The following FHIP1A variants were observed in gnomAD, a reference collection of about 807,000 sequenced individuals.
FHIP1A encodes the protein FHF complex subunit HOOK interacting protein 1A, also known as FHF complex subunit HOOK-interacting protein 1A.
Under a neutral mutation model 88.6 loss-of-function variants are expected in FHIP1A, and 61 were observed. That is an observed-to-expected ratio of 0.69 (90% CI 0.56 to 0.85). FHIP1A has a LOEUF of 0.85. FHIP1A is among the 40% of genes least tolerant of loss of function. FHIP1A has a pLI of 0.00. For synonymous variants in FHIP1A, 478 were observed against 496.0 expected, an observed-to-expected ratio of 0.96 and a Z score of 0.48; for missense variants, 1,154 against 1,273.5, an observed-to-expected ratio of 0.91 and a Z score of 1.43.
At chr4:151,577,424 A>G (rs1197568603) in intron 4 of FHIP1A, 26 bp from the exon 5 acceptor site, 2 of 1,496,458 alleles carry the variant, frequency 1.3e-6, no homozygotes, top group South Asian at 1.3e-5. Flanking sequence ...CATCAGATGG[A>G]TGACAAATGC....
chr4:151,664,767 A>G lies in FHIP1A; in HGVS notation c.*2013A>G, dbSNP rs1737601798. Reference sequence around the variant, plus strand: ...TTGTTTGGACTTACAAAGTCATAAAATGCCAACGCCACATCTGTAAATGGA... The same window carrying G: ...TTGTTTGGACTTACAAAGTCATAAAGTGCCAACGCCACATCTGTAAATGGA... On this transcript the variant is annotated 3_prime_UTR_variant, in exon 14 of 14. Coordinates refer to ENST00000435205, the MANE Select transcript of FHIP1A (RefSeq NM_001109977.3). Among the ~76,000 whole-genome samples, 1 of 152,234 alleles carries G rather than the reference A, an allele frequency of 6.6e-6. No individual in the cohort carries two copies. Among genetic ancestry groups the G allele is most frequent in the Admixed American group, 6.5e-5 (1 of 15,288 alleles).
At chr4:151,442,978 G>A (rs1321932748) in intron 1 of FHIP1A, among the ~76,000 whole-genome samples, 9 of 152,030 alleles carry the variant, frequency 5.9e-5, no homozygotes, top group Admixed American at 5.2e-4. Flanking sequence ...TAGTTGACTG[G>A]GTGTGGGGTG....
intron 1 of FHIP1A, among the ~76,000 whole-genome samples, chr4:151,430,325 T>A (rs1259196235): frequency 6.6e-6 from 1 of 152,222 alleles, no homozygotes; most frequent in Non-Finnish European, 1.5e-5. Flanking sequence ...TAAAGTGCCT[T>A]ACATTCCCAG....
chr4:151,480,804 TG>T (rs1729868777), intron 2 of FHIP1A, among the ~76,000 whole-genome samples: 1 of 152,044 alleles, frequency 6.6e-6, no homozygotes, highest in Non-Finnish European at 1.5e-5. Context: ...TGCCTAGTTT[TG>T]AAGATTTAGG....
At chr4:151,634,538 G>A (rs1721816097) in intron 8 of FHIP1A, among the ~76,000 whole-genome samples, 1 of 151,730 alleles carries the variant, frequency 6.6e-6, no homozygotes. Context: ...AAAAAACAGT[G>A]TGGGACTAGC....
chr4:151,477,323 G>A (rs911452348), intron 2 of FHIP1A, among the ~76,000 whole-genome samples: 1 of 152,078 alleles, frequency 6.6e-6, no homozygotes, highest in East Asian at 1.9e-4. Flanking sequence ...GCTGTCTGGC[G>A]GAAAAGGTAC....
chr4:151,610,456 A>G (rs1735279700), intron 7 of FHIP1A, among the ~76,000 whole-genome samples: 1 of 152,210 alleles, frequency 6.6e-6, no homozygotes, highest in Non-Finnish European at 1.5e-5. Context: ...AAACAGGTAG[A>G]GAATTGTAGA....
At chr4:151,465,767 G>A (rs1294265019) in intron 2 of FHIP1A, among the ~76,000 whole-genome samples, 2 of 152,008 alleles carry the variant, frequency 1.3e-5, no homozygotes, top group African/African-American at 4.8e-5. Flanking sequence ...AACCAACAAC[G>A]AAAACCACAT....
chr4:151,586,280 A>C (rs1456929627), intron 5 of FHIP1A, among the ~76,000 whole-genome samples: 1 of 152,036 alleles, frequency 6.6e-6, no homozygotes, highest in African/African-American at 2.4e-5. Context: ...CTGTTTATGA[A>C]TTTGTTCCTC....
chr4:151,415,113 T>C (rs1732834321), intron 1 of FHIP1A, among the ~76,000 whole-genome samples: 1 of 152,172 alleles, frequency 6.6e-6, no homozygotes, highest in Non-Finnish European at 1.5e-5. Flanking sequence ...TGACCATACA[T>C]GCACATCATT....
In FHIP1A at chr4:151,538,902, T is replaced by G. The variant is rs111769799; in HGVS notation, c.-122-27236T>G. ...TCTGGCTGCCAATTTGTAATAGTTTTACATAGGTATGGAGCAGTGTCTTTA... is the reference window on the plus strand; with the variant it reads ...TCTGGCTGCCAATTTGTAATAGTTTGACATAGGTATGGAGCAGTGTCTTTA... On this transcript the variant is annotated intron_variant, in intron 3 of 13. Transcript: ENST00000435205. Among the ~76,000 whole-genome samples the G allele has an allele frequency of 4.3e-3, 655 of 152,354 alleles. 8 individuals are homozygous for G. The highest frequency in any genetic ancestry group is 0.014 in the African/African-American group (590 of 41,582).
chr4:151,502,157 G>GAAAAAAA (rs370065238), intron 3 of FHIP1A, among the ~76,000 whole-genome samples: 55 of 113,736 alleles, frequency 4.8e-4, no homozygotes, highest in Non-Finnish European at 6.4e-4. Context: ...CTCTACAAAA[G>GAAAAAAA]AAAAAAAAAA....
At chr4:151,485,932 C>A (rs943065204) in intron 3 of FHIP1A, among the ~76,000 whole-genome samples, 2 of 152,112 alleles carry the variant, frequency 1.3e-5, no homozygotes, top group African/African-American at 4.8e-5. Flanking sequence ...AGTCTCCAAC[C>A]TTTTGGCACC....
At chr4:151,547,918 G>GA (rs1732568564) in intron 3 of FHIP1A, among the ~76,000 whole-genome samples, 1 of 144,620 alleles carries the variant, frequency 6.9e-6, no homozygotes. Context: ...CCTCTCAAAA[G>GA]AAAAAGAAAA....
At chr4:151,526,508 G>A (rs1380425829) in intron 3 of FHIP1A, among the ~76,000 whole-genome samples, 6 of 146,524 alleles carry the variant, frequency 4.1e-5, no homozygotes, top group East Asian at 2.1e-4. Flanking sequence ...CCTCCCTCCC[G>A]GACGGGGCGG....
chr4:151,554,683 TC>T (rs1560765641), intron 3 of FHIP1A, among the ~76,000 whole-genome samples: 1 of 152,198 alleles, frequency 6.6e-6, no homozygotes, highest in Non-Finnish European at 1.5e-5. Flanking sequence ...GACAACTTGT[TC>T]TTTTAACTGC....
At chr4:151,548,118 A>G (rs1348235038) in intron 3 of FHIP1A, among the ~76,000 whole-genome samples, 2 of 152,096 alleles carry the variant, frequency 1.3e-5, no homozygotes, top group African/African-American at 4.8e-5. Context: ...CTGGGTCTCC[A>G]TGACTAACCA....
At position 151,663,190 on chromosome 4, in the gene FHIP1A, G is replaced by A. The variant is rs956184858; in HGVS notation, c.*436G>A. On this transcript the variant is annotated 3_prime_UTR_variant, in exon 14 of 14. Transcript: ENST00000435205. ...CACCTGCAACTGTGCGAATGGTCCT[G>A]TTGCCTCCTGCATTTTGGCCTCTGT... 1 of 154,256 alleles carries A rather than the reference G, an allele frequency of 6.5e-6. No homozygotes were observed. Among genetic ancestry groups the A allele is most frequent in the African/African-American group, 2.4e-5 (1 of 41,488 alleles). 9.6% of individuals were successfully genotyped at this position (154,256 alleles called of 1,614,324 possible).
chr4:151,661,926 C>A (rs115669675), intron 13 of FHIP1A, among the ~76,000 whole-genome samples: 1 of 152,190 alleles, frequency 6.6e-6, no homozygotes, highest in African/African-American at 2.4e-5. Context: ...AGGAATCTTC[C>A]GCTCTCCTTT....
Sources: gnomAD v4.1 joint callset for allele counts (sites outside exome capture counted in the v4.1 genomes callset) on GRCh38, gnomAD v4.1.1 for gene constraint, MANE v1.5 for transcripts, NCBI Gene and HGNC (gene_info 2026-07-23, HGNC 2026-07-21) for gene names.